The following ACLY variants were observed in gnomAD, a reference collection of about 807,000 sequenced individuals.
ACLY encodes the protein ATP-citrate synthase.
In ACLY, 41 loss-of-function variants were observed where a neutral mutation model predicts 133.0. That is an observed-to-expected ratio of 0.31 (90% CI 0.24 to 0.40). ACLY has a LOEUF of 0.40. Ranked by LOEUF, ACLY falls within the 10% of genes least tolerant of loss-of-function variation. ACLY has a pLI of 1.00. For missense variants in ACLY, 1,046 were observed against 1,453.8 expected, an observed-to-expected ratio of 0.72 and a Z score of 4.56; for synonymous variants, 495 against 549.3, an observed-to-expected ratio of 0.90 and a Z score of 1.38.
intron 23 of ACLY, 84 bp downstream of exon 23, chr17:41,873,727 C>T: frequency 7.0e-7 from 1 of 1,436,420 alleles, no homozygotes; most frequent in Non-Finnish European, 9.2e-7. Flanking sequence ...ACTCCCCAGG[C>T]CTGTCCACTC....
At position 41,918,916 on chromosome 17, in the gene ACLY, G is replaced by C. The variant is rs782458772; in HGVS notation, c.-60C>G. The C allele has an allele frequency of 1.3e-5, 17 of 1,289,020 alleles. No individual in the cohort carries two copies. In the Admixed American group the frequency reaches 2.8e-4, roughly 21 times the overall value. 79.8% of individuals were successfully genotyped at this position (1,289,020 alleles called of 1,614,324 possible). A position where few individuals can be genotyped will look rare whatever the true frequency, so the allele number is the denominator to read the frequency against. ...TCCGTGCGCGGCGCTTCTTCCACAGGCCCGACGAACCCCGCAAAATCCGGA... is the reference window on the plus strand; with the variant it reads ...TCCGTGCGCGGCGCTTCTTCCACAGCCCCGACGAACCCCGCAAAATCCGGA... On this transcript the variant is annotated 5_prime_UTR_variant, in exon 1 of 29. Coordinates refer to ENST00000352035, the MANE Select transcript of ACLY (RefSeq NM_001096.3).
At chr17:41,874,724 C>A (rs2048687401) in intron 22 of ACLY, among the ~76,000 whole-genome samples, 2 of 151,856 alleles carry the variant, frequency 1.3e-5, no homozygotes, top group Non-Finnish European at 2.9e-5. Context: ...CAGGCGCTTG[C>A]CACCACGCCC....
intron 1 of ACLY, among the ~76,000 whole-genome samples, chr17:41,927,211 A>G (rs781806445): frequency 5.9e-5 from 9 of 152,204 alleles, no homozygotes; most frequent in Non-Finnish European, 8.8e-5. Flanking sequence ...TGAAACAATT[A>G]CCACAATCAA....
intron 7 of ACLY, among the ~76,000 whole-genome samples, 176 bp downstream of exon 7, chr17:41,907,266 G>A (rs1284523947): frequency 6.6e-6 from 1 of 152,056 alleles, no homozygotes; most frequent in Non-Finnish European, 1.5e-5. Context: ...GGATTCAGAG[G>A]CTTGGCTCAC....
Position 41,867,824 on chromosome 17 carries a change from G to T in ACLY, c.3292C>A (p.His1098Asn). 1 of 1,610,898 alleles carries T rather than the reference G, an allele frequency of 6.2e-7. No homozygotes were observed. The highest frequency in any genetic ancestry group is 8.5e-7 in the Non-Finnish European group (1 of 1,178,446). ...TCCTGGCTCTGTTACATGCTCATGTGTTCCGGAAGAACATATGAAATATCA... is the reference window on the plus strand; with the variant it reads ...TCCTGGCTCTGTTACATGCTCATGTTTTCCGGAAGAACATATGAAATATCA... ...WDDISYVLPE[H>N]MSM The change falls in exon 29 of 29, where the codon CAC becomes AAC. Residue 1098 changes from histidine (H) to asparagine (N), a missense_variant. Transcript: ENST00000352035.
intron 27 of ACLY, 115 bp downstream of exon 27, chr17:41,868,928 A>G (rs2048531454): frequency 4.4e-6 from 6 of 1,349,406 alleles, no homozygotes; most frequent in Non-Finnish European, 6.3e-6. Context: ...TTTCTTCTTT[A>G]TACCTCTCCT....
intron 25 of ACLY, 104 bp from the exon 26 acceptor site, chr17:41,869,691 G>A (rs1165613683): frequency 5.3e-6 from 5 of 941,676 alleles, no homozygotes; most frequent in Admixed American, 4.1e-5. Context: ...TCCCAGCGGC[G>A]ATTCAGGAAC....
intron 1 of ACLY, among the ~76,000 whole-genome samples, chr17:41,926,916 T>C (rs1305404930): frequency 6.6e-6 from 1 of 152,110 alleles, no homozygotes; most frequent in Non-Finnish European, 1.5e-5. Flanking sequence ...TTGCCCAGGC[T>C]GGAGTGCAAT....
chr17:41,878,943 T>C lies in ACLY; in HGVS notation c.2266-19A>G. ...ACTGGACCTGGAAAGCAAAGGAAAG[T>C]AGCTTTACTGCTAATCCCCCAAGAG... On this transcript the variant is annotated intron_variant, in intron 20 of 28. Transcript: ENST00000352035. 1 of 1,613,756 alleles carries C rather than the reference T, an allele frequency of 6.2e-7. No homozygotes were observed. The highest frequency in any genetic ancestry group is 8.5e-7 in the Non-Finnish European group (1 of 1,179,792).
intron 8 of ACLY, 98 bp downstream of exon 8, chr17:41,906,430 C>A (rs143601488): frequency 2.8e-6 from 3 of 1,063,124 alleles, no homozygotes; most frequent in Non-Finnish European, 4.3e-6. Context: ...GCCCCAAATT[C>A]CCACACCAAA....
Position 41,918,894 on chromosome 17 carries a change from G to A in ACLY, c.-38C>T. 1 of 1,288,276 alleles carries A rather than the reference G, an allele frequency of 7.8e-7. No homozygotes were observed. Among genetic ancestry groups the A allele is most frequent in the Non-Finnish European group, 1.0e-6 (1 of 988,300 alleles). The allele number at this position is 1,288,276 out of a possible 1,614,324, so 79.8% of individuals were successfully genotyped here. Reference sequence around the variant, plus strand: ...CCCGTGCTCACCTCTGCCGAAGTCCGTGCGCGGCGCTTCTTCCACAGGCCC... The same window carrying A: ...CCCGTGCTCACCTCTGCCGAAGTCCATGCGCGGCGCTTCTTCCACAGGCCC... On this transcript the variant is annotated 5_prime_UTR_variant, in exon 1 of 29. It adds an upstream start codon to the 5' untranslated region. Transcript: ENST00000352035.
intron 1 of ACLY, among the ~76,000 whole-genome samples, chr17:41,924,509 C>T (rs572323199): frequency 6.6e-6 from 1 of 152,230 alleles, no homozygotes; most frequent in East Asian, 1.9e-4. Context: ...CCACCTCTCT[C>T]CTTGTAACAG....
upstream of ACLY, among the ~76,000 whole-genome samples, chr17:41,922,045 A>G (rs1555635501): frequency 6.6e-6 from 1 of 152,004 alleles, no homozygotes; most frequent in Non-Finnish European, 1.5e-5. Flanking sequence ...AAATACAAAA[A>G]ATTAGCTGGA....
intron 6 of ACLY, among the ~76,000 whole-genome samples, chr17:41,907,995 G>T (rs2049776055): frequency 1.3e-5 from 2 of 152,168 alleles, no homozygotes; most frequent in Non-Finnish European, 2.9e-5. Flanking sequence ...CTGGCTAGGG[G>T]AAGCCTCAGT....
chr17:41,874,016 T>C lies in ACLY; in HGVS notation c.2488-51A>G, dbSNP rs782624246. On this transcript the variant is annotated intron_variant, in intron 22 of 28. Transcript: ENST00000352035. Reference sequence around the variant, plus strand: ...GCAGGGCCCTGGTGACCACCACAGATTTTTCCAGGACTGCCCTGCTGTGTG... The same window carrying C: ...GCAGGGCCCTGGTGACCACCACAGACTTTTCCAGGACTGCCCTGCTGTGTG... 9 of 1,529,366 alleles carry C rather than the reference T, an allele frequency of 5.9e-6. No homozygotes were observed. The South Asian group carries it at 8.7e-5, about 15-fold the overall frequency. The allele number at this position is 1,529,366 out of a possible 1,614,324, so 94.7% of individuals were successfully genotyped here. A position where few individuals can be genotyped will look rare whatever the true frequency, so the allele number is the denominator to read the frequency against.
At chr17:41,912,731 C>T (rs2049941542) in intron 2 of ACLY, among the ~76,000 whole-genome samples, 189 bp from the exon 3 acceptor site, 1 of 152,202 alleles carries the variant, frequency 6.6e-6, no homozygotes, top group Non-Finnish European at 1.5e-5. Context: ...TTGCTTTTGA[C>T]AACCAGGTAT....
intron 14 of ACLY, among the ~76,000 whole-genome samples, chr17:41,894,987 C>T (rs1555630091): frequency 6.6e-6 from 1 of 152,184 alleles, no homozygotes; most frequent in East Asian, 1.9e-4. Context: ...ACAGAAGGTT[C>T]CTGATGTTGC....
chr17:41,880,441 C>T (rs968790438), intron 20 of ACLY, among the ~76,000 whole-genome samples: 10 of 152,132 alleles, frequency 6.6e-5, no homozygotes, highest in Admixed American at 4.6e-4. Context: ...TAATCTGCAT[C>T]GGCAGATGGG....
intron 16 of ACLY, among the ~76,000 whole-genome samples, chr17:41,891,292 A>T (rs1308336689): frequency 6.7e-6 from 1 of 148,300 alleles, no homozygotes; most frequent in Non-Finnish European, 1.5e-5. Flanking sequence ...GCCGCCCAAC[A>T]AACACAAGCC....
Sources: allele counts gnomAD v4.1 joint callset (sites outside exome capture counted in the v4.1 genomes callset), GRCh38; gene constraint gnomAD v4.1.1; transcripts MANE v1.5; gene names NCBI Gene and HGNC (gene_info 2026-07-23, HGNC 2026-07-21).